The following ANO4 variants were observed in gnomAD, a reference collection of about 807,000 sequenced individuals.
ANO4 encodes anoctamin 4.
In ANO4, 69 loss-of-function variants were observed where a neutral mutation model predicts 141.9. The ratio of observed to expected loss-of-function variants is 0.49; its 90% CI spans 0.40 to 0.59. The LOEUF is 0.59. Ranked by LOEUF, ANO4 falls within the 20% of genes least tolerant of loss-of-function variation. ANO4 has a pLI of 0.00. For synonymous variants in ANO4, 350 were observed against 394.3 expected (o/e 0.89, Z 1.33); for missense variants, 894 against 1,162.2 (o/e 0.77, Z 3.36).
chr12:100,866,698 T>C (rs116785669), intron 1 of ANO4, among the ~76,000 whole-genome samples: 1,727 of 152,262 alleles, frequency 0.011, 34 homozygotes, highest in African/African-American at 0.039. Context: ...CATGAGGACT[T>C]CCAAGGTCAT....
At chr12:100,875,862 G>T (rs775091870) in intron 1 of ANO4, among the ~76,000 whole-genome samples, 4 of 152,100 alleles carry the variant, frequency 2.6e-5, no homozygotes, top group Non-Finnish European at 5.9e-5. Context: ...TGTGGGTTGG[G>T]GGGTGGGGAT....
At chr12:100,920,115 C>T (rs2041563405) in intron 2 of ANO4, among the ~76,000 whole-genome samples, 1 of 151,926 alleles carries the variant, frequency 6.6e-6, no homozygotes, top group Admixed American at 6.6e-5. Context: ...TGTTTTTTAG[C>T]TTATGTAATG....
At chr12:100,808,273 T>C (rs571001541) in intron 1 of ANO4, among the ~76,000 whole-genome samples, 1 of 152,338 alleles carries the variant, frequency 6.6e-6, no homozygotes, top group Admixed American at 6.5e-5. Context: ...TGGTGTGAGA[T>C]GGTGTCTCAT....
chr12:100,760,316 T>C (rs964296450), intron 3 of ANO4, among the ~76,000 whole-genome samples: 1 of 152,208 alleles, frequency 6.6e-6, no homozygotes, highest in African/African-American at 2.4e-5. Flanking sequence ...GGAGTCATTA[T>C]CCTTGTTTGA....
At chr12:100,763,984 T>C (rs1278471312) in intron 3 of ANO4, among the ~76,000 whole-genome samples, 1 of 152,138 alleles carries the variant, frequency 6.6e-6, no homozygotes, top group Admixed American at 6.5e-5. Context: ...ATTCTTGCCT[T>C]TGTTTCCTGT....
chr12:100,978,031 T>C (rs1257859307), intron 7 of ANO4, among the ~76,000 whole-genome samples: 2 of 152,202 alleles, frequency 1.3e-5, no homozygotes, highest in Non-Finnish European at 2.9e-5. Flanking sequence ...GTCCACATTT[T>C]TGCCTTTTGC....
intron 22 of ANO4, among the ~76,000 whole-genome samples, chr12:101,103,183 T>TTATATATATA (rs71091476): frequency 7.0e-4 from 13 of 18,590 alleles, no homozygotes; most frequent in South Asian, 3.2e-3. Context: ...TTTAGTCATT[T>TTATATATATA]TATATATATA....
chr12:100,914,613 G>T lies in ANO4; in HGVS notation c.56-7613G>T, dbSNP rs189670693. Among the ~76,000 whole-genome samples the T allele has an allele frequency of 1.1e-3, 163 of 152,248 alleles. 3 individuals are homozygous for T. In the East Asian group the frequency reaches 0.017, roughly 16 times the overall value. On this transcript the variant is annotated intron_variant, in intron 2 of 27. Coordinates refer to ENST00000392977, the MANE Select transcript of ANO4 (RefSeq NM_001286615.2). Reference sequence around the variant, plus strand: ...ACACAAAAAAAGGATTTTGGTAAGTGCTACAAATAATGTTAAAAAAACAAG... The same window carrying T: ...ACACAAAAAAAGGATTTTGGTAAGTTCTACAAATAATGTTAAAAAAACAAG...
intron 11 of ANO4, among the ~76,000 whole-genome samples, chr12:101,042,034 G>A (rs1276366335): frequency 6.6e-6 from 1 of 152,102 alleles, no homozygotes; most frequent in Non-Finnish European, 1.5e-5. Flanking sequence ...ACAGCTGTGT[G>A]CCTGGTTGGT....
chr12:100,718,784 A>T (rs2030727394), intron 1 of ANO4, among the ~76,000 whole-genome samples: 1 of 152,212 alleles, frequency 6.6e-6, no homozygotes, highest in Non-Finnish European at 1.5e-5. Context: ...ACCTGCACGC[A>T]CATTTAACAC....
At chr12:101,056,202 A>G (rs1593144935) in intron 14 of ANO4, among the ~76,000 whole-genome samples, 1 of 152,278 alleles carries the variant, frequency 6.6e-6, no homozygotes. Flanking sequence ...GATTAAGTTG[A>G]ATCAATGTCA....
chr12:101,066,930 C>A, intron 14 of ANO4: 1 of 725,836 alleles, frequency 1.4e-6, no homozygotes, highest in Non-Finnish European at 2.5e-6. Flanking sequence ...TTTTCTGTTA[C>A]AAGGCAACAT....
intron 7 of ANO4, among the ~76,000 whole-genome samples, chr12:100,986,120 C>T (rs1008394950): frequency 2.0e-5 from 3 of 152,144 alleles, no homozygotes; most frequent in Non-Finnish European, 4.4e-5. Context: ...GGACATCTCT[C>T]TTCTTCTGCC....
At chr12:100,900,039 A>T (rs114006818) in intron 1 of ANO4, among the ~76,000 whole-genome samples, 5,539 of 152,118 alleles carry the variant, frequency 0.036, 282 homozygotes, top group African/African-American at 0.11. Context: ...TTTCACATGT[A>T]CTATCTAATG....
chr12:100,889,574 C>A (rs1332801721), intron 1 of ANO4, among the ~76,000 whole-genome samples: 1 of 152,174 alleles, frequency 6.6e-6, no homozygotes, highest in Non-Finnish European at 1.5e-5. Context: ...GAATAGTGGA[C>A]AAAGGATATG....
intron 1 of ANO4, among the ~76,000 whole-genome samples, chr12:100,730,370 C>T (rs2031332694): frequency 6.6e-6 from 1 of 152,052 alleles, no homozygotes; most frequent in Non-Finnish European, 1.5e-5. Flanking sequence ...GGAATCAGTA[C>T]TTAAGGAAAT....
At chr12:101,119,784 C>T (rs904949214) in intron 25 of ANO4, among the ~76,000 whole-genome samples, 1 of 152,106 alleles carries the variant, frequency 6.6e-6, no homozygotes, top group Non-Finnish European at 1.5e-5. Context: ...TGTTTTAGTT[C>T]TTGGGCTTCA....
rs1034891041 is a variant in ANO4 at position 100,927,954 on chromosome 12, C to A, written c.160+5624C>A. ...GGATTGTGGGATCATTGTTATCCTG[C>A]AGTCTGTTTGTGCTTGCACGTGTGT... On this transcript the variant is annotated intron_variant, in intron 3 of 27. Coordinates refer to ENST00000392977, the MANE Select transcript of ANO4 (RefSeq NM_001286615.2). Among the ~76,000 whole-genome samples the A allele has an allele frequency of 3.3e-5, 5 of 152,202 alleles. No individual in the cohort carries two copies. The East Asian group carries it at 9.7e-4, about 29-fold the overall frequency.
intron 5 of ANO4, among the ~76,000 whole-genome samples, chr12:100,947,399 C>G (rs187152787): frequency 6.6e-6 from 1 of 152,188 alleles, no homozygotes; most frequent in Non-Finnish European, 1.5e-5. Flanking sequence ...CTAAGGGTGT[C>G]CTGTCCATAC....
Sources: gnomAD v4.1 joint callset for allele counts (sites outside exome capture counted in the v4.1 genomes callset) on GRCh38, gnomAD v4.1.1 for gene constraint, MANE v1.5 for transcripts, NCBI Gene and HGNC (gene_info 2026-07-23, HGNC 2026-07-21) for gene names.